The following SPATA31H1 variants were observed in gnomAD, a reference collection of about 807,000 sequenced individuals.
SPATA31H1 encodes SPATA31 subfamily H member 1, also known as spermatogenesis-associated protein 31H1.
At chr2:27,556,131 T>C in the SPATA31H1 span, among the ~76,000 whole-genome samples, 1 of 94,170 alleles carries the variant, frequency 1.1e-5, no homozygotes. Context: ...CAAGACTCCA[T>C]CTCAAAAAAA....
chr2:27,571,739 G>A, the SPATA31H1 span: 1 of 398,340 alleles, frequency 2.5e-6, no homozygotes, highest in Admixed American at 4.4e-5. Flanking sequence ...CATGTTTAAA[G>A]CTTCGAAGTT....
At chr2:27,577,839 C>T in the SPATA31H1 span, 1 of 1,614,110 alleles carries the variant, frequency 6.2e-7, no homozygotes, top group Non-Finnish European at 8.5e-7. This position sits in a 1 kb window ranked among gnomAD's most constrained non-coding sequence, Gnocchi z 4.5. Context: ...GCCCCTGAAG[C>T]AAACAAGTCA....
chr2:27,553,216 C>T, the SPATA31H1 span, among the ~76,000 whole-genome samples: 4 of 152,156 alleles, frequency 2.6e-5, no homozygotes, highest in East Asian at 1.9e-4. Context: ...GTGGCAGCCC[C>T]GATGATCTCT....
At chr2:27,566,089 A>AC in the SPATA31H1 span, 1 of 717,524 alleles carries the variant, frequency 1.4e-6, no homozygotes, top group Non-Finnish European at 2.6e-6. Flanking sequence ...ACTGAAGCTA[A>AC]CCTGACATGG....
chr2:27,543,542 G>T, the SPATA31H1 span, among the ~76,000 whole-genome samples: 1 of 133,562 alleles, frequency 7.5e-6, no homozygotes. Context: ...CTTTAACTAG[G>T]TTGGCAAAAA....
the SPATA31H1 span, among the ~76,000 whole-genome samples, chr2:27,547,320 C>G: frequency 6.6e-6 from 1 of 151,682 alleles, no homozygotes; most frequent in African/African-American, 2.4e-5. Context: ...ATTACAGGTG[C>G]ACACCACCAT....
the SPATA31H1 span, chr2:27,579,553 G>C: frequency 2.4e-3 from 3,927 of 1,614,202 alleles, 11 homozygotes; most frequent in Non-Finnish European, 3.0e-3. Flanking sequence ...TCTGGGACTA[G>C]AGTGAGAATA....
At chr2:27,565,405 T>A in the SPATA31H1 span, 3 of 717,246 alleles carry the variant, frequency 4.2e-6, no homozygotes. Context: ...TCCTTTACTC[T>A]TCAGCTCAAG....
the SPATA31H1 span, among the ~76,000 whole-genome samples, chr2:27,543,723 C>T: frequency 2.0e-5 from 3 of 151,828 alleles, no homozygotes; most frequent in African/African-American, 7.3e-5. Context: ...CTCAACCCCT[C>T]TCTACCAGTC....
chr2:27,548,410 T>G, the SPATA31H1 span, among the ~76,000 whole-genome samples: 4 of 151,404 alleles, frequency 2.6e-5, no homozygotes, highest in Non-Finnish European at 5.9e-5. Context: ...GAGTTGGAGA[T>G]CAGCCTGGGC....
the SPATA31H1 span, chr2:27,566,425 G>C: frequency 1.6e-3 from 1,111 of 712,444 alleles, 9 homozygotes; most frequent in African/African-American, 0.018. Context: ...GAAGGTGGTA[G>C]AGGTTTTAAA....
the SPATA31H1 span, chr2:27,576,343 A>C: frequency 2.1e-6 from 1 of 487,218 alleles, no homozygotes; most frequent in East Asian, 3.0e-5. Flanking sequence ...TCTGGCCCGC[A>C]GCTGCAAGGT....
the SPATA31H1 span, among the ~76,000 whole-genome samples, chr2:27,542,993 C>T: frequency 6.6e-5 from 10 of 151,936 alleles, no homozygotes; most frequent in Non-Finnish European, 1.2e-4. Context: ...ACTCCAGAGG[C>T]TCCCAGGCTC....
At chr2:27,556,134 CAAAAAA>C in the SPATA31H1 span, among the ~76,000 whole-genome samples, 22 of 92,910 alleles carry the variant, frequency 2.4e-4, no homozygotes, top group African/African-American at 2.1e-4. Context: ...GACTCCATCT[CAAAAAA>C]AAAAAAAAAA....
the SPATA31H1 span, chr2:27,576,171 G>A: frequency 2.5e-6 from 1 of 407,128 alleles, no homozygotes; most frequent in East Asian, 3.5e-5. Flanking sequence ...TGTAGAATCA[G>A]GGACAAAATT....
chr2:27,556,707 ATTAAT>A, the SPATA31H1 span, among the ~76,000 whole-genome samples: 4 of 118,872 alleles, frequency 3.4e-5, no homozygotes, highest in African/African-American at 1.4e-4. Flanking sequence ...TTTTTTTTTA[ATTAAT>A]TTATTTTTTT....
At chr2:27,578,033 A>G in the SPATA31H1 span, 15 of 1,614,048 alleles carry the variant, frequency 9.3e-6, no homozygotes, top group Non-Finnish European at 1.3e-5. Flanking sequence ...AAGTCACAGA[A>G]TCTGCAAGGA....
At chr2:27,554,949 G>C in the SPATA31H1 span, among the ~76,000 whole-genome samples, 3 of 151,876 alleles carry the variant, frequency 2.0e-5, no homozygotes, top group Middle Eastern at 3.2e-3. Context: ...CTTCCCAAAG[G>C]CCTCATCTAC....
chr2:27,546,479 C>T, the SPATA31H1 span, among the ~76,000 whole-genome samples: 7 of 152,138 alleles, frequency 4.6e-5, no homozygotes, highest in East Asian at 1.3e-3. Flanking sequence ...ACCTTGAACA[C>T]AAAATGTAAG....
Sources: gnomAD v4.1 joint callset for allele counts (sites outside exome capture counted in the v4.1 genomes callset) on GRCh38, gnomAD v4.1.1 for gene constraint, Gnocchi (gnomAD v3.1) non-coding constraint, MANE v1.5 for transcripts, NCBI Gene and HGNC (gene_info 2026-07-23, HGNC 2026-07-21) for gene names.